The following DGKH variants were observed in gnomAD, a reference collection of about 807,000 sequenced individuals.
DGKH encodes the protein DAG kinase eta.
DGKH carries 90 observed loss-of-function variants against 159.3 expected under a neutral mutation model. The ratio of observed to expected loss-of-function variants is 0.57; its 90% CI spans 0.48 to 0.67. The LOEUF (loss-of-function observed/expected upper bound fraction) is 0.67. Among genes scored for constraint, DGKH ranks in the 30% least tolerant of loss-of-function variants. The pLI, the probability that DGKH is intolerant of heterozygous loss-of-function variation, is 0.00. For synonymous variants in DGKH, 536 were observed against 553.8 expected (o/e 0.97, Z 0.45); for missense variants, 1,181 against 1,506.1 (o/e 0.78, Z 3.57).
At chr13:42,067,279 C>G (rs1882647055) in intron 1 of DGKH, among the ~76,000 whole-genome samples, 1 of 151,926 alleles carries the variant, frequency 6.6e-6, no homozygotes, top group African/African-American at 2.4e-5. Flanking sequence ...CAAGGAAAAC[C>G]AATATTTGAG....
intron 1 of DGKH, among the ~76,000 whole-genome samples, chr13:42,083,515 T>C (rs1954247477): frequency 6.6e-6 from 1 of 152,272 alleles, no homozygotes; most frequent in Admixed American, 6.5e-5. Context: ...CAGGAAGTTC[T>C]GGCGGGGTTC....
chr13:42,184,172 T>C (rs1396550847), intron 13 of DGKH, among the ~76,000 whole-genome samples: 1 of 152,230 alleles, frequency 6.6e-6, no homozygotes, highest in African/African-American at 2.4e-5. Context: ...TTATGTATTA[T>C]GCATTGATAC....
chr13:42,067,025 AT>A (rs1052619275), intron 1 of DGKH, among the ~76,000 whole-genome samples: 8 of 152,104 alleles, frequency 5.3e-5, no homozygotes, highest in African/African-American at 1.9e-4. Context: ...ATATATATGT[AT>A]ATACACATAT....
rs1956362681 is a variant in DGKH at position 42,168,453 on chromosome 13, C to G, written c.1132C>G (p.Gln378Glu). 2.5e-6 allele frequency: 4 copies of G among 1,613,760 alleles called. No individual in the cohort carries two copies. The East Asian group carries it at 8.9e-5, about 36-fold the overall frequency. ...TTTTGCTTTCAGTTTAAGATTATTT[C>G]AGAAGTTTGACAATTTCCGGATTCT... is the stretch of plus-strand genomic sequence containing the variant. ...GGPHLGLRLF[Q>E]KFDNFRILVC... The change falls in exon 10 of 30, where the codon CAG (glutamine) becomes GAG (glutamate). Residue 378 changes from glutamine (Q) to glutamate (E), a missense_variant. This residue lies in a region of DGKH where 369 missense variants were observed against 519.4 expected (regional missense o/e 0.71). Coordinates refer to ENST00000337343, the MANE Select transcript of DGKH (RefSeq NM_178009.5).
intron 13 of DGKH, among the ~76,000 whole-genome samples, chr13:42,183,028 C>T (rs899171059): frequency 3.3e-5 from 5 of 152,068 alleles, no homozygotes; most frequent in Admixed American, 1.3e-4. Flanking sequence ...GTGGTCCATG[C>T]CTATAATCTC....
rs944839414 is a variant in DGKH at position 42,232,417 on chromosome 13, T to C, written c.*3229T>C. 3.9e-5 allele frequency: 6 copies of C among 152,152 alleles called. No homozygotes were observed. The highest frequency in any genetic ancestry group is 1.4e-4 in the African/African-American group (6 of 41,440). 9.4% of individuals were successfully genotyped at this position (152,152 alleles called of 1,614,324 possible). A position where few individuals can be genotyped will look rare whatever the true frequency, so the allele number is the denominator to read the frequency against. On this transcript the variant is annotated 3_prime_UTR_variant, in exon 30 of 30. Coordinates refer to ENST00000337343, the MANE Select transcript of DGKH (RefSeq NM_178009.5). ...GGACAGAATCAGACCTAAATAAAAT[T>C]CCTGAGTATGCAATATTTCTCTTTA...
chr13:42,159,242 C>CTGTTTTTTTTTTTTTTT, intron 5 of DGKH, 24 bp from the exon 6 acceptor site: 1 of 159,042 alleles, frequency 6.3e-6, no homozygotes. Context: ...AAAGCAGTTG[C>CTGTTTTTTTTTTTTTTT]TCTTTTTTTT....
chr13:42,069,305 C>T, intron 1 of DGKH: 1 of 1,125,710 alleles, frequency 8.9e-7, no homozygotes, highest in Non-Finnish European at 1.3e-6. Flanking sequence ...CACTCACAAA[C>T]TGGCTGTCCC....
At chr13:42,058,578 A>G (rs552198277) in intron 1 of DGKH, among the ~76,000 whole-genome samples, 1 of 152,360 alleles carries the variant, frequency 6.6e-6, no homozygotes, top group Admixed American at 6.5e-5. Flanking sequence ...CTTGTCATGT[A>G]CTATATTATA....
Position 42,230,925 on chromosome 13 carries a change from A to G in DGKH, c.*1737A>G, listed in dbSNP as rs1013673983. On this transcript the variant is annotated 3_prime_UTR_variant, in exon 30 of 30. Transcript: ENST00000337343. ...TTTATAACTTGGGTATTTAACTACTAGTAAAAATCACAAAATTTTAATGTC... is the reference window on the plus strand; with the variant it reads ...TTTATAACTTGGGTATTTAACTACTGGTAAAAATCACAAAATTTTAATGTC... 6.6e-6 allele frequency: 1 copy of G among 152,214 alleles called. No individual in the cohort carries two copies. The highest frequency in any genetic ancestry group is 1.5e-5 in the Non-Finnish European group (1 of 68,030). The allele number at this position is 152,214 out of a possible 1,614,324, so 9.4% of individuals were successfully genotyped here. A position where few individuals can be genotyped will look rare whatever the true frequency, so the allele number is the denominator to read the frequency against.
rs115757619 is a variant in DGKH, at chr13:42,065,361, T to A, written c.192+16396T>A. On this transcript the variant is annotated intron_variant, in intron 1 of 29. Coordinates refer to ENST00000337343, the MANE Select transcript of DGKH (RefSeq NM_178009.5). ...ATGTTGAAGGAAATTCAACCTTCCC[T>A]TGGTAATAAACACTTCTACCTTATC... Among the ~76,000 whole-genome samples the A allele has an allele frequency of 7.0e-3, 1,071 of 152,334 alleles. 18 individuals carry two copies. Among genetic ancestry groups the A allele is most frequent in the African/African-American group, 0.025 (1,020 of 41,574 alleles).
chr13:42,152,512 T>TTATA (rs527802198), intron 3 of DGKH, among the ~76,000 whole-genome samples: 1 of 147,996 alleles, frequency 6.8e-6, no homozygotes, highest in African/African-American at 2.5e-5. Context: ...CATATATATA[T>TTATA]TATATATATA....
intron 1 of DGKH, among the ~76,000 whole-genome samples, chr13:42,113,361 A>G (rs922739030): frequency 2.0e-5 from 3 of 152,196 alleles, no homozygotes; most frequent in East Asian, 1.9e-4. Flanking sequence ...GTAGGTTCCT[A>G]TGCCCTACTC....
chr13:42,124,506 G>A (rs1955132731), intron 1 of DGKH, among the ~76,000 whole-genome samples: 1 of 152,150 alleles, frequency 6.6e-6, no homozygotes, highest in African/African-American at 2.4e-5. Context: ...GGGATTCCAT[G>A]TTATGAAATA....
chr13:42,042,229 C>T (rs970617140), intron 1 of DGKH, among the ~76,000 whole-genome samples: 2 of 152,214 alleles, frequency 1.3e-5, no homozygotes, highest in African/African-American at 4.8e-5. Flanking sequence ...AATCAAAGAT[C>T]ATTGAGAACT....
chr13:42,166,651 A>G lies in DGKH; in HGVS notation c.1095A>G (p.Leu365=). 1 of 1,601,602 alleles carries G rather than the reference A, an allele frequency of 6.2e-7. No individual in the cohort carries two copies. The highest frequency in any genetic ancestry group is 8.5e-7 in the Non-Finnish European group (1 of 1,174,774). The change falls in exon 9 of 30, where the codon TTA becomes TTG. Residue 365 remains leucine (L), a synonymous_variant. Coordinates refer to ENST00000337343, the MANE Select transcript of DGKH (RefSeq NM_178009.5). ...TAAATCCGGCTCAGGTGTTTGATTT[A>G]ATGAATGGAGGTCCTCATTTAGGGT... The part of the protein sequence containing the change: ...QLLNPAQVFD[L]MNGGPHLGLR...
chr13:42,143,322 G>A (rs1955622606), intron 3 of DGKH, among the ~76,000 whole-genome samples: 1 of 152,092 alleles, frequency 6.6e-6, no homozygotes, highest in Non-Finnish European at 1.5e-5. Flanking sequence ...GGGGATTTTT[G>A]CATTGATGTT....
intron 1 of DGKH, among the ~76,000 whole-genome samples, chr13:42,073,706 G>A (rs148597475): frequency 3.9e-5 from 6 of 152,312 alleles, no homozygotes; most frequent in East Asian, 1.9e-4. Flanking sequence ...AGGATGTAAT[G>A]CCATTGTAAG....
intron 1 of DGKH, chr13:42,071,199 A>C: frequency 2.1e-6 from 1 of 471,340 alleles, no homozygotes; most frequent in Non-Finnish European, 3.8e-6. Context: ...GGATAAGAAA[A>C]ATAATTATGC....
Sources: allele counts gnomAD v4.1 joint callset (sites outside exome capture counted in the v4.1 genomes callset), GRCh38; gene constraint gnomAD v4.1.1; regional missense constraint gnomAD v4.1.1; transcripts MANE v1.5; gene names NCBI Gene and HGNC (gene_info 2026-07-23, HGNC 2026-07-21).